The following SLC26A4 variants were observed in gnomAD, a reference collection of about 807,000 sequenced individuals.
SLC26A4 encodes pendrin.
Under a neutral mutation model 90.4 loss-of-function variants are expected in SLC26A4, and 93 were observed. That is an observed-to-expected ratio of 1.03 (90% CI 0.87 to 1.22). The LOEUF is 1.22. Among genes scored for constraint, SLC26A4 ranks in the 50% most tolerant of loss-of-function variants. SLC26A4 has a pLI of 0.00. For missense variants in SLC26A4, 1,127 were observed against 946.2 expected (o/e 1.19, Z -2.51); for synonymous variants, 393 against 354.6 (o/e 1.11, Z -1.22).
intron 18 of SLC26A4, among the ~76,000 whole-genome samples, chr7:107,705,569 G>A (rs1792016968): frequency 6.6e-6 from 1 of 152,170 alleles, no homozygotes; most frequent in African/African-American, 2.4e-5. Flanking sequence ...TATATATGTG[G>A]AACAAGAAGT....
At chr7:107,677,687 C>T (rs1791064815) in intron 6 of SLC26A4, among the ~76,000 whole-genome samples, 1 of 151,680 alleles carries the variant, frequency 6.6e-6, no homozygotes, top group Non-Finnish European at 1.5e-5. Context: ...CTCACTGCGA[C>T]CTCCATCTCC....
intron 13 of SLC26A4, 64 bp downstream of exon 13, chr7:107,696,103 A>T (rs1791735956): frequency 1.1e-6 from 1 of 926,722 alleles, no homozygotes; most frequent in South Asian, 1.3e-5. Flanking sequence ...TCCTTATACC[A>T]TTTTGATAAA....
intron 10 of SLC26A4, chr7:107,693,333 AT>A (rs1367258310): frequency 1.0e-6 from 1 of 985,274 alleles, no homozygotes; most frequent in Admixed American, 6.1e-5. Context: ...TACACATCAT[AT>A]TGCCTCAGGC....
chr7:107,672,524 G>A (rs1416435047), intron 4 of SLC26A4, among the ~76,000 whole-genome samples: 1 of 151,752 alleles, frequency 6.6e-6, no homozygotes, highest in Non-Finnish European at 1.5e-5. Flanking sequence ...AACTGAAAAT[G>A]ACAGCCTACT....
chr7:107,701,211 T>C lies in SLC26A4; in HGVS notation c.1803+15T>C. Reference sequence around the variant, plus strand: ...GAGCAACAAAGGTGAGATGACATCTTTCTTTTCCCCCTTAAATTATTTCCT... The same window carrying C: ...GAGCAACAAAGGTGAGATGACATCTCTCTTTTCCCCCTTAAATTATTTCCT... On this transcript the variant is annotated intron_variant, in intron 16 of 20. Coordinates refer to ENST00000644269, the MANE Select transcript of SLC26A4 (RefSeq NM_000441.2). The C allele has an allele frequency of 6.8e-7, 1 of 1,477,622 alleles. No individual in the cohort carries two copies. The highest frequency in any genetic ancestry group is 1.4e-5 in the African/African-American group (1 of 72,340). 91.5% of individuals were successfully genotyped at this position (1,477,622 alleles called of 1,614,324 possible). A position where few individuals can be genotyped will look rare whatever the true frequency, so the allele number is the denominator to read the frequency against.
intron 20 of SLC26A4, among the ~76,000 whole-genome samples, chr7:107,715,066 TA>T (rs543905042): frequency 0.019 from 1,880 of 98,664 alleles, 34 homozygotes; most frequent in African/African-American, 0.049. Flanking sequence ...CCATCTCTAC[TA>T]AAAAAAAAAA....
chr7:107,683,490 C>T lies in SLC26A4; in HGVS notation c.954C>T (p.Asn318=), dbSNP rs1562829526. 6.2e-7 allele frequency: 1 copy of T among 1,613,862 alleles called. No homozygotes were observed. Among genetic ancestry groups the T allele is most frequent in the Non-Finnish European group, 8.5e-7 (1 of 1,179,858 alleles). The change falls in exon 8 of 21, where the codon AAC becomes AAT. Residue 318 remains asparagine, a synonymous_variant. Transcript: ENST00000644269. ...CTACTGCCATTTCATATGGAGCCAA[C>T]CTGGAAAAAAATTACAATGCTGGCA... The part of the protein sequence containing the change: ...IIATAISYGA[N]LEKNYNAGIV...
chr7:107,668,347 A>G (rs1158785325), intron 3 of SLC26A4, among the ~76,000 whole-genome samples: 4 of 152,244 alleles, frequency 2.6e-5, no homozygotes, highest in African/African-American at 9.6e-5. Flanking sequence ...TTAATTAATT[A>G]GAAGCCTCGT....
At chr7:107,703,406 G>T (rs762756776) in intron 17 of SLC26A4, among the ~76,000 whole-genome samples, 2 of 152,226 alleles carry the variant, frequency 1.3e-5, no homozygotes, top group African/African-American at 2.4e-5. Context: ...GTACTAGGTA[G>T]GTAGGGTAGA....
chr7:107,691,976 G>A, intron 10 of SLC26A4: 1 of 1,288,708 alleles, frequency 7.8e-7, no homozygotes, highest in Non-Finnish European at 1.0e-6. Context: ...AAGCTCTCCA[G>A]AGCACATGGT....
At chr7:107,666,074 G>T (rs1284768611) in intron 3 of SLC26A4, among the ~76,000 whole-genome samples, 1 of 152,184 alleles carries the variant, frequency 6.6e-6, no homozygotes, top group Non-Finnish European at 1.5e-5. Flanking sequence ...AGGCACAGGT[G>T]CTGACTTCAT....
At position 107,682,129 on chromosome 7, in the gene SLC26A4, AATT is replaced by A. The variant is rs1245810040; in HGVS notation, c.766-1072_766-1070del. On this transcript the variant is annotated intron_variant, in intron 6 of 20. Coordinates refer to ENST00000644269, the MANE Select transcript of SLC26A4 (RefSeq NM_000441.2). ...TAAAAAAAAAAAAAAAAAAAAAAAA[AATT>A]TTTTTTATGTTATCTTAGTTCAAGT... Among the ~76,000 whole-genome samples the A allele has an allele frequency of 3.8e-4, 51 of 135,946 alleles. 6 individuals are homozygous for A. The highest frequency in any genetic ancestry group is 5.9e-4 in the African/African-American group (22 of 37,120). The allele number at this position is 135,946 out of a possible 152,430, so 89.2% of individuals were successfully genotyped here.
chr7:107,704,710 A>G (rs1354471436), intron 18 of SLC26A4, among the ~76,000 whole-genome samples: 1 of 152,226 alleles, frequency 6.6e-6, no homozygotes, highest in African/African-American at 2.4e-5. Flanking sequence ...AAAATAATGG[A>G]TTAGTTAACA....
intron 10 of SLC26A4, among the ~76,000 whole-genome samples, chr7:107,690,888 C>T (rs1259531434): frequency 6.6e-6 from 1 of 151,854 alleles, no homozygotes; most frequent in African/African-American, 2.4e-5. Flanking sequence ...CTTCAGTGTT[C>T]AGAAAGCTCA....
intron 16 of SLC26A4, 31 bp downstream of exon 16, chr7:107,701,227 A>G: frequency 7.3e-7 from 1 of 1,375,312 alleles, no homozygotes; most frequent in Non-Finnish European, 1.0e-6. Flanking sequence ...TCCCCCTTAA[A>G]TTATTTCCTT....
chr7:107,679,979 T>C (rs1005201653), intron 6 of SLC26A4, among the ~76,000 whole-genome samples: 4 of 137,186 alleles, frequency 2.9e-5, no homozygotes, highest in Non-Finnish European at 4.6e-5. Context: ...TATAATATAA[T>C]CTTATTATAT....
chr7:107,700,210 C>T (rs747476674), intron 15 of SLC26A4, 35 bp downstream of exon 15: 11 of 1,093,768 alleles, frequency 1.0e-5, no homozygotes, highest in Middle Eastern at 2.1e-4. Context: ...TGTTTTCTAA[C>T]CTCTTTTGAG....
chr7:107,663,551 G>A, intron 3 of SLC26A4, 116 bp downstream of exon 3: 2 of 1,143,672 alleles, frequency 1.7e-6, no homozygotes, highest in East Asian at 4.7e-5. Context: ...TATCTTTCCT[G>A]TAGAGCCCCT....
At chr7:107,696,503 T>A (rs1446248454) in intron 13 of SLC26A4, among the ~76,000 whole-genome samples, 5 of 152,216 alleles carry the variant, frequency 3.3e-5, no homozygotes, top group African/African-American at 1.2e-4. Flanking sequence ...TTATATATTA[T>A]AGTTCATTTT....
Sources: gnomAD v4.1 joint callset for allele counts (sites outside exome capture counted in the v4.1 genomes callset) on GRCh38, gnomAD v4.1.1 for gene constraint, MANE v1.5 for transcripts, NCBI Gene and HGNC (gene_info 2026-07-23, HGNC 2026-07-21) for gene names.